The following PIWIL2 variants were observed in gnomAD, a reference collection of about 807,000 sequenced individuals.
The protein encoded by PIWIL2 is piwi-like protein 2.
In PIWIL2, 81 loss-of-function variants were observed where a neutral mutation model predicts 116.5. The ratio of observed to expected loss-of-function variants is 0.70; its 90% CI spans 0.58 to 0.84. PIWIL2 has a LOEUF of 0.84. Ranked by LOEUF, PIWIL2 falls within the 40% of genes least tolerant of loss-of-function variation. The probability of loss-of-function intolerance (pLI) is 0.00; values close to 1 mark genes in which losing one functional copy is unlikely to be tolerated. For missense variants in PIWIL2, 1,272 were observed against 1,212.3 expected (o/e 1.05, Z -0.73); for synonymous variants, 489 against 429.5 (o/e 1.14, Z -1.71).
chr8:22,348,646 C>A (rs1216575338), intron 20 of PIWIL2, among the ~76,000 whole-genome samples: 1 of 152,136 alleles, frequency 6.6e-6, no homozygotes, highest in South Asian at 2.1e-4. Context: ...TGGCACATCC[C>A]TGTAGTCCCA....
intron 6 of PIWIL2, among the ~76,000 whole-genome samples, chr8:22,286,921 CA>C (rs1019330574): frequency 6.6e-5 from 10 of 151,036 alleles, no homozygotes; most frequent in African/African-American, 2.4e-4. Context: ...CGAGCCAGGG[CA>C]AAAAAAAATT....
intron 20 of PIWIL2, among the ~76,000 whole-genome samples, chr8:22,329,282 G>A (rs930457411): frequency 6.6e-6 from 1 of 152,288 alleles, no homozygotes; most frequent in Admixed American, 6.5e-5. Context: ...TTGCATTGCT[G>A]TAACAAGATA....
chr8:22,339,596 T>C (rs185630042), intron 20 of PIWIL2, among the ~76,000 whole-genome samples: 101 of 152,216 alleles, frequency 6.6e-4, no homozygotes, highest in African/African-American at 2.3e-3. Flanking sequence ...TGATTAGATA[T>C]GACGCTGGAA....
At position 22,303,086 on chromosome 8, in the gene PIWIL2, G is replaced by T. The variant is rs138871717; in HGVS notation, c.1182-935G>T. On this transcript the variant is annotated intron_variant, in intron 10 of 22. Transcript: ENST00000356766. ...GGAGTCTCAAAATGACAAAGCTAGA[G>T]AATAGACTGGTAGTTACCAGATCTA... Among the ~76,000 whole-genome samples, 631 of 152,336 alleles carry T rather than the reference G, an allele frequency of 4.1e-3. 5 individuals are homozygous for T. Among genetic ancestry groups the T allele is most frequent in the African/African-American group, 0.015 (610 of 41,582 alleles).
At chr8:22,327,384 T>TTTTTA (rs1831750269) in intron 20 of PIWIL2, among the ~76,000 whole-genome samples, 1 of 149,942 alleles carries the variant, frequency 6.7e-6, no homozygotes, top group African/African-American at 2.5e-5. Flanking sequence ...TTTTTTTTTT[T>TTTTTA]GAGACGGAGT....
chr8:22,344,768 C>G (rs975233068), intron 20 of PIWIL2, among the ~76,000 whole-genome samples: 2 of 152,094 alleles, frequency 1.3e-5, no homozygotes, highest in Non-Finnish European at 2.9e-5. Flanking sequence ...CCCAGCTACT[C>G]AAGAGGCTGA....
At chr8:22,323,922 A>G (rs983157782) in intron 20 of PIWIL2, among the ~76,000 whole-genome samples, 1 of 152,162 alleles carries the variant, frequency 6.6e-6, no homozygotes, top group Non-Finnish European at 1.5e-5. Context: ...GAGCTAACAA[A>G]CAATATCACA....
chr8:22,327,656 C>T (rs1488321424), intron 20 of PIWIL2, among the ~76,000 whole-genome samples: 1 of 152,116 alleles, frequency 6.6e-6, no homozygotes, highest in African/African-American at 2.4e-5. Flanking sequence ...CATGAATCAC[C>T]ATGCCCGGCT....
chr8:22,281,599 G>A (rs1830504127), intron 4 of PIWIL2, 84 bp downstream of exon 4: 2 of 1,142,550 alleles, frequency 1.8e-6, no homozygotes, highest in Non-Finnish European at 2.4e-6. Flanking sequence ...AAGAAGAGTT[G>A]TGTCATCTCA....
intron 20 of PIWIL2, among the ~76,000 whole-genome samples, chr8:22,334,627 C>T (rs1402424337): frequency 1.3e-5 from 2 of 151,982 alleles, no homozygotes; most frequent in Non-Finnish European, 2.9e-5. Flanking sequence ...CCATGTTGGT[C>T]AGGCTGTTGG....
intron 16 of PIWIL2, among the ~76,000 whole-genome samples, chr8:22,312,454 T>C (rs980412131): frequency 1.3e-5 from 2 of 151,080 alleles, no homozygotes; most frequent in Non-Finnish European, 2.9e-5. Context: ...ATTATAGAGG[T>C]AGGGTTTCAC....
chr8:22,289,714 T>C (rs1830714130), intron 8 of PIWIL2, 133 bp from the exon 9 acceptor site: 1 of 618,200 alleles, frequency 1.6e-6, no homozygotes, highest in Non-Finnish European at 2.9e-6. Flanking sequence ...GTTCTCAATA[T>C]AAAAGCTGTC....
intron 20 of PIWIL2, among the ~76,000 whole-genome samples, chr8:22,340,256 C>T (rs932212568): frequency 2.6e-5 from 4 of 151,812 alleles, no homozygotes; most frequent in Non-Finnish European, 5.9e-5. Flanking sequence ...GGGGTTTCTC[C>T]GTGATGGTCA....
rs1431825878 is a variant in PIWIL2 at position 22,349,417 on chromosome 8, G to GTATA, written c.2404-3541_2404-3540insATAT. On this transcript the variant is annotated intron_variant, in intron 20 of 22. Transcript: ENST00000356766. ...ACTTTTGTGTACAATATATGTGTGT[G>GTATA]TGTATATATATATATATATATATAT... is the stretch of plus-strand genomic sequence containing the variant. Among the ~76,000 whole-genome samples the GTATA allele has an allele frequency of 2.4e-3, 327 of 134,584 alleles. 5 individuals are homozygous for GTATA. The highest frequency in any genetic ancestry group is 9.2e-3 in the South Asian group (36 of 3,914). 88.3% of individuals were successfully genotyped at this position (134,584 alleles called of 152,430 possible).
chr8:22,301,007 C>A (rs894497258), intron 10 of PIWIL2, among the ~76,000 whole-genome samples: 1 of 150,398 alleles, frequency 6.6e-6, no homozygotes, highest in African/African-American at 2.4e-5. Flanking sequence ...TTTTTTGAGA[C>A]AGAGTCTTGC....
At chr8:22,329,521 C>G (rs1022918777) in intron 20 of PIWIL2, among the ~76,000 whole-genome samples, 1 of 152,180 alleles carries the variant, frequency 6.6e-6, no homozygotes, top group South Asian at 2.1e-4. Context: ...TTTTAAGTGA[C>G]CAAATCTTTG....
In PIWIL2 at chr8:22,314,318, T is replaced by C. The variant is rs1831400758; in HGVS notation, c.1990-10T>C. The C allele has an allele frequency of 2.7e-6, 4 of 1,477,336 alleles. No individual in the cohort carries two copies. Among genetic ancestry groups the C allele is most frequent in the Non-Finnish European group, 3.7e-6 (4 of 1,091,616 alleles). 91.5% of individuals were successfully genotyped at this position (1,477,336 alleles called of 1,614,324 possible). On this transcript the variant is annotated splice_polypyrimidine_tract_variant and intron_variant, in intron 16 of 22. Coordinates refer to ENST00000356766, the MANE Select transcript of PIWIL2 (RefSeq NM_018068.5). ...CACAGCCTGACTTGTATATACCTTA[T>C]CTCCTCAAGGGGAAGATACAGATGG...
rs1249151233 is a variant in PIWIL2, at chr8:22,281,530, C to T, written c.425+15C>T. The T allele has an allele frequency of 2.6e-6, 4 of 1,549,938 alleles. No individual in the cohort carries two copies. The highest frequency in any genetic ancestry group is 1.8e-4 in the Middle Eastern group (1 of 5,646). On this transcript the variant is annotated intron_variant, in intron 4 of 22. Transcript: ENST00000356766. ...GGTTGGAGTAGGTGGGTAAAGTTAC[C>T]CTCTCAGGTAACTATCAAATTCAGA...
intron 6 of PIWIL2, among the ~76,000 whole-genome samples, chr8:22,287,101 A>G (rs1228214457): frequency 1.3e-5 from 2 of 151,066 alleles, no homozygotes; most frequent in East Asian, 1.9e-4. Context: ...AAAAAGGGAG[A>G]TGGGGAGAAG....
Sources: allele counts gnomAD v4.1 joint callset (sites outside exome capture counted in the v4.1 genomes callset), GRCh38; gene constraint gnomAD v4.1.1; transcripts MANE v1.5; gene names NCBI Gene and HGNC (gene_info 2026-07-23, HGNC 2026-07-21).